DNAH12: variants seen among roughly 807,000 people sequenced by gnomAD.
The protein encoded by DNAH12 is dynein axonemal heavy chain 12, also known as axonemal beta dynein heavy chain 12.
In DNAH12, 285 loss-of-function variants were observed where a neutral mutation model predicts 371.5. The observed-to-expected ratio is 0.77, with a 90% CI of 0.70 to 0.85. DNAH12 has a LOEUF of 0.85. Ranked by LOEUF, DNAH12 falls within the 40% of genes least tolerant of loss-of-function variation. The probability of loss-of-function intolerance (pLI) is 0.00; values close to 1 mark genes in which losing one functional copy is unlikely to be tolerated. For missense variants in DNAH12, 3,611 were observed against 3,689.4 expected (o/e 0.98, Z 0.55); for synonymous variants, 1,200 against 1,213.0 (o/e 0.99, Z 0.22).
chr3:57,302,023 T>A, intron 69 of DNAH12, 84 bp from the exon 70 acceptor site: 1 of 1,420,580 alleles, frequency 7.0e-7, no homozygotes, highest in Non-Finnish European at 9.5e-7. Context: ...AGGAATTTCA[T>A]TCCCAGCTTT....
At chr3:57,489,444 A>T (rs1211936906) in intron 12 of DNAH12, 65 bp downstream of exon 12, 6 of 1,406,464 alleles carry the variant, frequency 4.3e-6, no homozygotes, top group Non-Finnish European at 5.6e-6. Flanking sequence ...TTTAAACAAG[A>T]GTTACTTTAG....
intron 42 of DNAH12, 43 bp downstream of exon 42, chr3:57,404,926 T>C (rs1386087734): frequency 1.4e-6 from 2 of 1,424,240 alleles, no homozygotes; most frequent in African/African-American, 3.0e-5. Flanking sequence ...ATAATAACAT[T>C]TTACAGATAG....
In DNAH12 at chr3:57,469,093, C is replaced by G; in HGVS notation, c.2106-114G>C. The G allele has an allele frequency of 1.1e-5, 11 of 1,006,460 alleles. 1 individual carries two copies. The South Asian group carries it at 1.6e-4, about 14-fold the overall frequency. 62.3% of individuals were successfully genotyped at this position (1,006,460 alleles called of 1,614,324 possible). The stretch of plus-strand genomic sequence containing the variant: ...TAAGAGAGAAAAATGAGGGCAAGAG[C>G]TGTTAACAGTTTTTCTCAGGCACAC... On this transcript the variant is annotated intron_variant, in intron 16 of 73. Transcript: ENST00000495027.
chr3:57,472,782 A>T, intron 13 of DNAH12, 111 bp from the exon 14 acceptor site: 2 of 1,162,896 alleles, frequency 1.7e-6, no homozygotes, highest in Non-Finnish European at 2.4e-6. Flanking sequence ...AGTTTGACTC[A>T]GATTATTAAC....
chr3:57,538,755 G>A (rs530761451), intron 2 of DNAH12, among the ~76,000 whole-genome samples: 2 of 151,932 alleles, frequency 1.3e-5, no homozygotes, highest in Non-Finnish European at 2.9e-5. Context: ...TCTCACTCTC[G>A]CTCTCTCTGT....
intron 2 of DNAH12, among the ~76,000 whole-genome samples, chr3:57,524,680 C>T (rs3926468): frequency 1.3e-5 from 2 of 151,804 alleles, no homozygotes; most frequent in African/African-American, 4.8e-5. Context: ...AGGCCACATA[C>T]ATGTTACCAT....
At chr3:57,323,307 TA>T (rs1423930920) in intron 63 of DNAH12, 47 bp from the exon 64 acceptor site, 2 of 1,523,688 alleles carry the variant, frequency 1.3e-6, no homozygotes, top group Non-Finnish European at 8.8e-7. Flanking sequence ...TCTAAAATTA[TA>T]AAAAAGTGCC....
In DNAH12 at chr3:57,457,253, C is replaced by T. The variant is rs866106077; in HGVS notation, c.3336+468G>A. 3.9e-5 allele frequency among the ~76,000 whole-genome samples: 6 copies of T among 152,204 alleles called. No homozygotes were observed. The South Asian group carries it at 1.0e-3, about 26-fold the overall frequency. On this transcript the variant is annotated intron_variant, in intron 22 of 73. Transcript: ENST00000495027. The stretch of plus-strand genomic sequence containing the variant: ...AAAATGCAAACTCCTAACTGCCTTC[C>T]TTTCCAACCTCATGTCACTTTACTC...
chr3:57,499,643 A>ATATATATATATATATAT (rs1307559756), intron 11 of DNAH12, among the ~76,000 whole-genome samples: 17 of 24,580 alleles, frequency 6.9e-4, no homozygotes, highest in Non-Finnish European at 1.2e-3. Flanking sequence ...AAAAAAAAAA[A>ATATATATATATATATAT]AAAAATATAT....
At chr3:57,332,661 A>G (rs1455612834) in intron 62 of DNAH12, among the ~76,000 whole-genome samples, 1 of 152,210 alleles carries the variant, frequency 6.6e-6, no homozygotes, top group Non-Finnish European at 1.5e-5. Context: ...TCTAATTAGG[A>G]TAGAACTGTC....
chr3:57,491,024 G>T (rs1022682813), intron 11 of DNAH12, among the ~76,000 whole-genome samples: 1 of 141,818 alleles, frequency 7.1e-6, no homozygotes, highest in Non-Finnish European at 1.5e-5. Flanking sequence ...AGAGATTGCA[G>T]TGAGCCGAGG....
chr3:57,405,811 G>C lies in DNAH12; in HGVS notation c.6418C>G (p.Arg2140Gly). Reference sequence around the variant, plus strand: ...CGGAGAACCTCATGCACAAACAGACGGATCATAGTGTGTTTGTTCGCCACG... The same window carrying C: ...CGGAGAACCTCATGCACAAACAGACCGATCATAGTGTGTTTGTTCGCCACG... ...DAVANKHTMI[R>G]LFVHEVLRVF... is the part of the protein sequence containing the mutation. The change falls in exon 41 of 74, where the codon CGT (arginine) becomes GGT (glycine). Residue 2140 changes from arginine (R) to glycine (G), a missense_variant. By Grantham distance (125) the Arg-to-Gly change is moderately radical. Around this residue, in one of 3 missense-constraint regions of DNAH12, gnomAD observed 2,266 missense variants for 2,236.9 expected, o/e 1.01. Coordinates refer to ENST00000495027, the MANE Select transcript of DNAH12 (RefSeq NM_001366028.2). The C allele has an allele frequency of 6.4e-7, 1 of 1,551,640 alleles. No homozygotes were observed.
At chr3:57,329,184 C>T (rs2062028277) in intron 62 of DNAH12, among the ~76,000 whole-genome samples, 3 of 144,786 alleles carry the variant, frequency 2.1e-5, no homozygotes, top group South Asian at 4.4e-4. Flanking sequence ...CTACCAATGC[C>T]TTTCTTCACA....
intron 60 of DNAH12, among the ~76,000 whole-genome samples, chr3:57,343,939 CT>C (rs1195597509): frequency 2.6e-5 from 4 of 152,146 alleles, no homozygotes; most frequent in African/African-American, 9.7e-5. Flanking sequence ...AACATAGATT[CT>C]TTTGCTCACA....
intron 25 of DNAH12, among the ~76,000 whole-genome samples, chr3:57,447,586 G>C (rs1438035588): frequency 6.6e-6 from 1 of 152,118 alleles, no homozygotes; most frequent in African/African-American, 2.4e-5. Flanking sequence ...ACCACAAAGT[G>C]ATAAATATTT....
chr3:57,401,933 G>A (rs1282847504), intron 43 of DNAH12, among the ~76,000 whole-genome samples: 4 of 152,120 alleles, frequency 2.6e-5, no homozygotes, highest in African/African-American at 7.2e-5. Context: ...AGCACCGATC[G>A]ATTTATTAAT....
At chr3:57,516,313 C>T (rs1017549990) in intron 4 of DNAH12, among the ~76,000 whole-genome samples, 14 of 152,050 alleles carry the variant, frequency 9.2e-5, no homozygotes, top group Admixed American at 4.6e-4. Flanking sequence ...CCATCCGACT[C>T]GGCCTCCCAA....
intron 58 of DNAH12, 55 bp from the exon 59 acceptor site, chr3:57,357,403 A>G (rs1252999277): frequency 6.6e-6 from 1 of 152,120 alleles, no homozygotes; most frequent in Non-Finnish European, 1.5e-5. Flanking sequence ...TTAGTTATGT[A>G]CTTTTCATAT....
At chr3:57,471,726 T>C (rs1213036224) in intron 14 of DNAH12, 120 bp from the exon 15 acceptor site, 2 of 794,100 alleles carry the variant, frequency 2.5e-6, no homozygotes, top group African/African-American at 1.8e-5. Context: ...AGTACAAAAA[T>C]AAAACAATGC....
Sources: allele counts gnomAD v4.1 joint callset (sites outside exome capture counted in the v4.1 genomes callset), GRCh38; gene constraint gnomAD v4.1.1; regional missense constraint gnomAD v4.1.1; transcripts MANE v1.5; gene names NCBI Gene and HGNC (gene_info 2026-07-23, HGNC 2026-07-21).